SEMA3A: variants seen among roughly 807,000 people sequenced by gnomAD.
SEMA3A encodes semaphorin-3A.
In SEMA3A, 29 loss-of-function variants were observed where a neutral mutation model predicts 97.9. The observed-to-expected ratio is 0.30, with a 90% CI of 0.22 to 0.40. SEMA3A has a LOEUF of 0.40. SEMA3A is among the 10% of genes least tolerant of loss of function. The probability of loss-of-function intolerance (pLI) is 1.00; values close to 1 mark genes in which losing one functional copy is unlikely to be tolerated. For synonymous variants in SEMA3A, 321 were observed against 323.7 expected, an observed-to-expected ratio of 0.99 and a Z score of 0.09; for missense variants, 763 against 951.3, an observed-to-expected ratio of 0.80 and a Z score of 2.60.
At chr7:84,491,289 T>G (rs2116453975) in intron 1 of SEMA3A, among the ~76,000 whole-genome samples, 1 of 152,284 alleles carries the variant, frequency 6.6e-6, no homozygotes, top group South Asian at 2.1e-4. Flanking sequence ...GTGCATTGCC[T>G]TTTGAGATGA....
intron 2 of SEMA3A, among the ~76,000 whole-genome samples, chr7:84,332,020 C>G (rs1171491382): frequency 6.6e-6 from 1 of 152,146 alleles, no homozygotes; most frequent in Admixed American, 6.6e-5. Flanking sequence ...CTGGTCATTT[C>G]TTTCAGCTTA....
intron 5 of SEMA3A, among the ~76,000 whole-genome samples, chr7:84,054,491 C>A (rs376615768): frequency 2.0e-5 from 3 of 152,078 alleles, no homozygotes; most frequent in African/African-American, 4.8e-5. Context: ...TCCAGTTGAT[C>A]GCATCGGCTC....
At position 83,991,677 on chromosome 7, in the gene SEMA3A, T is replaced by A. The variant is rs560878356; in HGVS notation, c.1453-6200A>T. Among the ~76,000 whole-genome samples the A allele has an allele frequency of 9.0e-4, 137 of 151,818 alleles. 1 individual carries two copies. Among genetic ancestry groups the A allele is most frequent in the African/African-American group, 3.1e-3 (128 of 41,204 alleles). On this transcript the variant is annotated intron_variant, in intron 12 of 16. Transcript: ENST00000265362. ...GCATCCCAGGGATGAAGCCCACTTG[T>A]TCATGGTGGATAAGCTTTTTGATGT...
At chr7:83,990,338 C>T (rs1042148820) in intron 12 of SEMA3A, among the ~76,000 whole-genome samples, 24 of 152,078 alleles carry the variant, frequency 1.6e-4, no homozygotes, top group Middle Eastern at 3.4e-3. Context: ...TCCCATTTGT[C>T]AATTTTGGCT....
intron 2 of SEMA3A, among the ~76,000 whole-genome samples, chr7:84,327,356 G>T (rs1801796254): frequency 6.6e-6 from 1 of 151,690 alleles, no homozygotes; most frequent in African/African-American, 2.4e-5. Context: ...AAGTAGTCAT[G>T]ATGGGGGAAA....
chr7:84,112,210 A>T (rs1204675374), intron 3 of SEMA3A, among the ~76,000 whole-genome samples: 3 of 152,230 alleles, frequency 2.0e-5, no homozygotes, highest in Admixed American at 6.5e-5. Flanking sequence ...TTTTATATAA[A>T]GATTATCATC....
chr7:84,466,698 AC>A (rs1160265785), intron 1 of SEMA3A, among the ~76,000 whole-genome samples: 1 of 152,202 alleles, frequency 6.6e-6, no homozygotes, highest in Non-Finnish European at 1.5e-5. Flanking sequence ...GCACAGGCCA[AC>A]CTCAGGCTGG....
intron 3 of SEMA3A, among the ~76,000 whole-genome samples, chr7:84,304,155 T>C (rs1218468825): frequency 6.6e-6 from 1 of 152,116 alleles, no homozygotes; most frequent in Non-Finnish European, 1.5e-5. Flanking sequence ...AAGCTCCTCA[T>C]GGATGAAGGT....
chr7:84,133,798 C>T (rs191961959), intron 2 of SEMA3A, among the ~76,000 whole-genome samples: 94 of 150,830 alleles, frequency 6.2e-4, no homozygotes, highest in Non-Finnish European at 1.0e-3. Flanking sequence ...CACCTGTAAT[C>T]CCAGCACTTT....
intron 1 of SEMA3A, among the ~76,000 whole-genome samples, chr7:84,139,685 G>C (rs1443017009): frequency 6.6e-6 from 1 of 152,036 alleles, no homozygotes; most frequent in Admixed American, 6.6e-5. Context: ...ATTTCAAGTA[G>C]CAGTGTTGTC....
In SEMA3A at chr7:84,337,997, T is replaced by A. The variant is rs17158895; in HGVS notation, c.-168-30705A>T. Among the ~76,000 whole-genome samples, 322 of 152,240 alleles carry A rather than the reference T, an allele frequency of 2.1e-3. 1 individual carries two copies. The highest frequency in any genetic ancestry group is 7.5e-3 in the African/African-American group (311 of 41,560). ...CTTATCAAAGGTCTGACAAAAGCTT[T>A]ATGTTATCCACAGTTTAACAAAAGC... On this transcript the variant is annotated intron_variant, in intron 2 of 3. Transcript: ENST00000424555.
chr7:84,278,401 C>T (rs926795014), intron 3 of SEMA3A, among the ~76,000 whole-genome samples: 1 of 152,170 alleles, frequency 6.6e-6, no homozygotes, highest in South Asian at 2.1e-4. Context: ...CTCTTTCAAC[C>T]TCTGCCTGTT....
intron 15 of SEMA3A, among the ~76,000 whole-genome samples, chr7:83,965,455 C>G (rs73180185): frequency 0.11 from 16,159 of 150,584 alleles, 1,276 homozygotes; most frequent in African/African-American, 0.22. Context: ...TGACTTGTCT[C>G]TTGCATAATC....
intron 1 of SEMA3A, among the ~76,000 whole-genome samples, chr7:84,137,745 A>C (rs1247579715): frequency 6.6e-6 from 1 of 151,384 alleles, no homozygotes; most frequent in East Asian, 1.9e-4. Flanking sequence ...AATTACATAG[A>C]GATATTAAGC....
intron 2 of SEMA3A, among the ~76,000 whole-genome samples, chr7:84,323,182 G>T (rs1472685204): frequency 6.6e-6 from 1 of 152,168 alleles, no homozygotes; most frequent in Non-Finnish European, 1.5e-5. Flanking sequence ...GTTCTCTGAA[G>T]ATTAGCTATC....
intron 1 of SEMA3A, among the ~76,000 whole-genome samples, chr7:84,137,397 T>G (rs1796168440): frequency 1.3e-5 from 1 of 77,700 alleles, no homozygotes; most frequent in African/African-American, 4.0e-5. Flanking sequence ...CAACATTCAG[T>G]CTCAAAAAAA....
At chr7:84,345,464 T>C (rs1230814942) in intron 2 of SEMA3A, among the ~76,000 whole-genome samples, 1 of 152,222 alleles carries the variant, frequency 6.6e-6, no homozygotes, top group East Asian at 1.9e-4. Flanking sequence ...GCAAAGCTGT[T>C]TGATAGCACT....
At chr7:84,163,443 C>G (rs551288041) in intron 1 of SEMA3A, among the ~76,000 whole-genome samples, 2 of 152,184 alleles carry the variant, frequency 1.3e-5, no homozygotes, top group East Asian at 3.9e-4. Flanking sequence ...ATTTGTAGAT[C>G]TGCCTATAAT....
chr7:84,277,008 A>G (rs913351111), intron 3 of SEMA3A, among the ~76,000 whole-genome samples: 1 of 152,098 alleles, frequency 6.6e-6, no homozygotes, highest in African/African-American at 2.4e-5. Context: ...AGTCAAATTT[A>G]TGGCTTTACA....
Sources: gnomAD v4.1 joint callset for allele counts (sites outside exome capture counted in the v4.1 genomes callset) on GRCh38, gnomAD v4.1.1 for gene constraint, MANE v1.5 for transcripts, NCBI Gene and HGNC (gene_info 2026-07-23, HGNC 2026-07-21) for gene names.